CLDN14: variants seen among roughly 807,000 people sequenced by gnomAD.
CLDN14 encodes the protein claudin 14, also known as claudin-14.
CLDN14 carries 2 observed loss-of-function variants against 2.1 expected under a neutral mutation model. The observed-to-expected ratio is 0.96, with a 90% CI of 0.39 to 3.01. The LOEUF (loss-of-function observed/expected upper bound fraction) is 3.01, where lower values mean the gene tolerates loss of function less well. CLDN14 is among the 30% of genes most tolerant of loss of function. The probability of loss-of-function intolerance (pLI) is 0.09; values close to 1 mark genes in which losing one functional copy is unlikely to be tolerated. For synonymous variants in CLDN14, 136 were observed against 154.4 expected, an observed-to-expected ratio of 0.88 and a Z score of 0.88; for missense variants, 298 against 328.0, an observed-to-expected ratio of 0.91 and a Z score of 0.71.
At chr21:36,543,703 T>C (rs989985463) in intron 1 of CLDN14, among the ~76,000 whole-genome samples, 2 of 152,164 alleles carry the variant, frequency 1.3e-5, no homozygotes, top group Non-Finnish European at 2.9e-5. Context: ...AGCTGAAGAA[T>C]GGCGGAGCTG....
intron 1 of CLDN14, among the ~76,000 whole-genome samples, chr21:36,464,496 C>A (rs183549856): frequency 1.6e-4 from 24 of 152,346 alleles, no homozygotes; most frequent in African/African-American, 5.5e-4. Flanking sequence ...TCCCTCCACT[C>A]AGCAAGCACT....
intron 1 of CLDN14, among the ~76,000 whole-genome samples, chr21:36,567,339 C>T (rs770681146): frequency 3.9e-5 from 6 of 152,324 alleles, no homozygotes; most frequent in Non-Finnish European, 7.4e-5. Flanking sequence ...CAAGGCACAT[C>T]GCTTCAATTA....
At chr21:36,538,600 G>A (rs970594639) in intron 1 of CLDN14, among the ~76,000 whole-genome samples, 11 of 151,078 alleles carry the variant, frequency 7.3e-5, no homozygotes, top group African/African-American at 1.4e-4. Flanking sequence ...GTGACAGAGC[G>A]AGACATCGTC....
chr21:36,478,984 C>T (rs1399530634), intron 1 of CLDN14, among the ~76,000 whole-genome samples: 1 of 152,174 alleles, frequency 6.6e-6, no homozygotes, highest in African/African-American at 2.4e-5. Context: ...CCCCCCTCTC[C>T]TGCCATGCCA....
intron 1 of CLDN14, 101 bp from the exon 2 acceptor site, chr21:36,461,877 T>A: frequency 1.3e-6 from 1 of 755,078 alleles, no homozygotes; most frequent in Non-Finnish European, 2.1e-6. Context: ...TTTTCATAGG[T>A]GGTTGGTGTG....
chr21:36,543,543 T>G (rs2087506673), intron 1 of CLDN14, among the ~76,000 whole-genome samples: 1 of 152,242 alleles, frequency 6.6e-6, no homozygotes, highest in Non-Finnish European at 1.5e-5. Context: ...ATAGTAATAC[T>G]TACCAAACAC....
chr21:36,465,087 T>A (rs2086628619), intron 1 of CLDN14, among the ~76,000 whole-genome samples: 1 of 152,022 alleles, frequency 6.6e-6, no homozygotes, highest in South Asian at 2.1e-4. Flanking sequence ...ACTAAGACAG[T>A]CCCAAGGAAA....
intron 1 of CLDN14, among the ~76,000 whole-genome samples, chr21:36,476,183 C>A (rs2086777328): frequency 6.6e-6 from 1 of 152,156 alleles, no homozygotes; most frequent in Non-Finnish European, 1.5e-5. Context: ...ACTCCCTTCG[C>A]TTGAAATCCT....
chr21:36,466,215 AG>A (rs1275613772), intron 1 of CLDN14, among the ~76,000 whole-genome samples: 3 of 152,198 alleles, frequency 2.0e-5, no homozygotes, highest in Non-Finnish European at 4.4e-5. Flanking sequence ...CCTTTACCAA[AG>A]AACAATTTGC....
chr21:36,470,567 C>T (rs566372380), intron 1 of CLDN14, among the ~76,000 whole-genome samples: 3 of 152,310 alleles, frequency 2.0e-5, no homozygotes. Flanking sequence ...CCTTCAGAAT[C>T]ATGACAGAAT....
intron 2 of CLDN14, chr21:36,485,721 G>A: frequency 3.9e-6 from 1 of 254,620 alleles, no homozygotes; most frequent in Admixed American, 5.1e-5. Context: ...AAGTGACAAT[G>A]AAGAGACAGT....
At chr21:36,492,591 TGC>T (rs1416391110) in intron 2 of CLDN14, among the ~76,000 whole-genome samples, 1 of 152,054 alleles carries the variant, frequency 6.6e-6, no homozygotes, top group Non-Finnish European at 1.5e-5. Flanking sequence ...ATTGTGCCAC[TGC>T]ACTGCAGCCT....
chr21:36,471,951 G>A (rs1458012031), intron 1 of CLDN14, among the ~76,000 whole-genome samples: 1 of 152,220 alleles, frequency 6.6e-6, no homozygotes. Context: ...AAGCCCAGGT[G>A]CTCCAAAGCA....
At chr21:36,504,594 G>A (rs949623770) in intron 2 of CLDN14, among the ~76,000 whole-genome samples, 2 of 152,150 alleles carry the variant, frequency 1.3e-5, no homozygotes, top group Non-Finnish European at 2.9e-5. Flanking sequence ...CCTATCTGAA[G>A]TATCTCATGA....
chr21:36,493,171 T>G (rs2086985787), intron 2 of CLDN14, among the ~76,000 whole-genome samples: 1 of 151,872 alleles, frequency 6.6e-6, no homozygotes, highest in South Asian at 2.1e-4. Flanking sequence ...CTCAAGGAAA[T>G]AAAAGGGCAG....
At chr21:36,555,866 T>A (rs1402683028) in intron 1 of CLDN14, among the ~76,000 whole-genome samples, 19 of 150,624 alleles carry the variant, frequency 1.3e-4, no homozygotes, top group East Asian at 1.9e-4. Context: ...AGAGAGAGTG[T>A]GTGTGTGTGT....
chr21:36,461,093 G>T lies in CLDN14; in HGVS notation c.603C>A (p.Thr201=), dbSNP rs760219487. The part of the protein sequence containing the change: ...YRPYQAPPRA[T]TTTANTAPAY... ...CAGGTGCGGTGTTTGCAGTGGTCGTGGTGGCCCTGGGCGGGGCCTGGTAGG... is the reference window on the plus strand; with the variant it reads ...CAGGTGCGGTGTTTGCAGTGGTCGTTGTGGCCCTGGGCGGGGCCTGGTAGG... The change falls in exon 2 of 2, where the codon ACC becomes ACA. Residue 201 remains threonine, a synonymous_variant. Coordinates refer to ENST00000399135, the MANE Select transcript of CLDN14 (RefSeq NM_001146079.2). 3.3e-5 allele frequency: 54 copies of T among 1,614,054 alleles called. No homozygotes were observed. Among genetic ancestry groups the T allele is most frequent in the South Asian group, 6.6e-5 (6 of 91,082 alleles).
intron 1 of CLDN14, among the ~76,000 whole-genome samples, chr21:36,547,555 G>T (rs577327546): frequency 6.6e-6 from 1 of 152,282 alleles, no homozygotes; most frequent in South Asian, 2.1e-4. Flanking sequence ...TCAGAAACAC[G>T]TGGAGAGGCG....
chr21:36,469,678 G>A (rs2086686537), intron 1 of CLDN14, among the ~76,000 whole-genome samples: 1 of 152,160 alleles, frequency 6.6e-6, no homozygotes, highest in South Asian at 2.1e-4. Flanking sequence ...TGCTAACAGA[G>A]GCTATTTTCA....
Sources: gnomAD v4.1 joint callset for allele counts (sites outside exome capture counted in the v4.1 genomes callset) on GRCh38, gnomAD v4.1.1 for gene constraint, MANE v1.5 for transcripts, NCBI Gene and HGNC (gene_info 2026-07-23, HGNC 2026-07-21) for gene names.